Variants in BABAM2 observed in about 807,000 individuals in gnomAD.
BABAM2 encodes BRISC and BRCA1 A complex member 2.
BABAM2 carries 31 observed loss-of-function variants against 54.7 expected under a neutral mutation model. The observed-to-expected ratio is 0.57, with a 90% CI of 0.43 to 0.77. BABAM2 has a LOEUF of 0.77. BABAM2 is among the 30% of genes least tolerant of loss of function. The pLI is 0.00. For synonymous variants in BABAM2, 167 were observed against 162.9 expected (o/e 1.03, Z -0.19); for missense variants, 364 against 455.8 (o/e 0.80, Z 1.83).
Position 28,120,917 on chromosome 2 carries a change from T to C in BABAM2, c.571-8354T>C, listed in dbSNP as rs548210097. 3.9e-5 allele frequency among the ~76,000 whole-genome samples: 6 copies of C among 152,292 alleles called. No individual in the cohort carries two copies. The East Asian group carries it at 1.2e-3, about 29-fold the overall frequency. ...AGAAAGAACTTTTTAAGAAGGGGAA[T>C]GGCAAATGCAAAGATGTTAGTCAAG... On this transcript the variant is annotated intron_variant, in intron 6 of 11. Transcript: ENST00000379624.
chr2:27,921,751 G>T (rs986382327), intron 2 of BABAM2, among the ~76,000 whole-genome samples: 2 of 152,132 alleles, frequency 1.3e-5, no homozygotes, highest in Admixed American at 6.5e-5. Context: ...GCTGTTATTT[G>T]TTTATTGTGG....
intron 2 of BABAM2, among the ~76,000 whole-genome samples, chr2:27,910,650 A>G (rs1666513790): frequency 6.6e-6 from 1 of 152,096 alleles, no homozygotes; most frequent in Non-Finnish European, 1.5e-5. Flanking sequence ...TTTTAAAAAT[A>G]TATATATAAA....
At chr2:28,004,748 G>A (rs1359967644) in intron 4 of BABAM2, among the ~76,000 whole-genome samples, 1 of 151,426 alleles carries the variant, frequency 6.6e-6, no homozygotes, top group Non-Finnish European at 1.5e-5. Context: ...GAAGTGTGGC[G>A]GCACAATCAC....
At chr2:28,284,575 C>T (rs907091332) in intron 10 of BABAM2, among the ~76,000 whole-genome samples, 6 of 152,088 alleles carry the variant, frequency 3.9e-5, no homozygotes, top group African/African-American at 9.7e-5. Flanking sequence ...ATCTGTGGTC[C>T]GGTTTGGCTG....
chr2:28,186,449 G>A (rs1480547384), intron 7 of BABAM2, among the ~76,000 whole-genome samples: 1 of 152,130 alleles, frequency 6.6e-6, no homozygotes, highest in Non-Finnish European at 1.5e-5. Context: ...CCCACATGGA[G>A]AGCAAAAGAA....
intron 4 of BABAM2, 98 bp downstream of exon 4, chr2:27,988,185 T>A: frequency 8.8e-7 from 1 of 1,141,496 alleles, no homozygotes. Flanking sequence ...GTCACACATC[T>A]GCATTTTTTT....
intron 7 of BABAM2, among the ~76,000 whole-genome samples, chr2:28,222,589 T>C (rs985845053): frequency 3.2e-4 from 49 of 152,364 alleles, no homozygotes; most frequent in African/African-American, 1.2e-3. Flanking sequence ...CTATTAATAC[T>C]GCTCTATTAG....
Position 28,126,217 on chromosome 2 carries a change from T to C in BABAM2, c.571-3054T>C, listed in dbSNP as rs1404768456. On this transcript the variant is annotated intron_variant, in intron 6 of 11. Transcript: ENST00000379624. ...TGCAGGTTAGTTACATATGTATACA[T>C]GTGCCATGCTGGTGTGCTGCACCCA... 7.9e-5 allele frequency among the ~76,000 whole-genome samples: 12 copies of C among 151,790 alleles called. No individual in the cohort carries two copies. In the South Asian group the frequency reaches 2.5e-3, roughly 32 times the overall value.
chr2:28,181,912 C>A (rs1158529830), intron 7 of BABAM2, among the ~76,000 whole-genome samples: 1 of 151,894 alleles, frequency 6.6e-6, no homozygotes, highest in Non-Finnish European at 1.5e-5. Flanking sequence ...GCGAAAGTGA[C>A]ATTTGAGCAG....
chr2:28,238,115 G>A (rs1302096699), intron 8 of BABAM2, among the ~76,000 whole-genome samples: 1 of 152,132 alleles, frequency 6.6e-6, no homozygotes, highest in Non-Finnish European at 1.5e-5. Flanking sequence ...CTCCCAAAGT[G>A]CTGGGATTAC....
intron 10 of BABAM2, among the ~76,000 whole-genome samples, chr2:28,256,126 G>C (rs1227453887): frequency 6.6e-6 from 1 of 152,118 alleles, no homozygotes; most frequent in Non-Finnish European, 1.5e-5. Context: ...TCTTTAAAAA[G>C]TTATGATATA....
intron 10 of BABAM2, among the ~76,000 whole-genome samples, chr2:28,268,077 A>T (rs1685135200): frequency 6.6e-6 from 1 of 152,236 alleles, no homozygotes; most frequent in African/African-American, 2.4e-5. Flanking sequence ...GACACACGAT[A>T]GAATTTTTAT....
rs554061849 is a variant in BABAM2 at position 28,110,838 on chromosome 2, C to G, written c.571-18433C>G. Reference sequence around the variant, plus strand: ...CACTACCCCCAACAGTGCACAAGTGCTCCAGTTTCTTGACATTCTCGCCAA... The same window carrying G: ...CACTACCCCCAACAGTGCACAAGTGGTCCAGTTTCTTGACATTCTCGCCAA... On this transcript the variant is annotated intron_variant, in intron 6 of 11. Coordinates refer to ENST00000379624, the MANE Select transcript of BABAM2 (RefSeq NM_199191.3). Among the ~76,000 whole-genome samples, 245 of 152,158 alleles carry G rather than the reference C, an allele frequency of 1.6e-3. 1 individual carries two copies. Among genetic ancestry groups the G allele is most frequent in the African/African-American group, 5.6e-3 (233 of 41,524 alleles).
Position 28,013,694 on chromosome 2 carries a change from TACACACACAC to T in BABAM2, c.301-11505_301-11496del, listed in dbSNP as rs56148921. Among the ~76,000 whole-genome samples the T allele has an allele frequency of 4.2e-3, 445 of 106,034 alleles. 2 individuals carry two copies. Among genetic ancestry groups the T allele is most frequent in the African/African-American group, 0.013 (372 of 28,376 alleles). 69.6% of individuals were successfully genotyped at this position (106,034 alleles called of 152,430 possible). A position where few individuals can be genotyped will look rare whatever the true frequency, so the allele number is the denominator to read the frequency against. The stretch of plus-strand genomic sequence containing the variant: ...AAAAAAAAAAAAAAAAAAAAGCTCT[TACACACACAC>T]ACACACACACACACACACACACACA... On this transcript the variant is annotated intron_variant, in intron 4 of 11. Transcript: ENST00000379624.
chr2:27,997,160 C>T (rs1296302375), intron 4 of BABAM2, among the ~76,000 whole-genome samples: 1 of 152,076 alleles, frequency 6.6e-6, no homozygotes, highest in Non-Finnish European at 1.5e-5. Flanking sequence ...ATGAAGATAA[C>T]TGTACTTCTT....
intron 7 of BABAM2, among the ~76,000 whole-genome samples, chr2:28,173,104 T>C (rs557328122): frequency 7.2e-5 from 11 of 152,204 alleles, no homozygotes; most frequent in Non-Finnish European, 1.6e-4. Flanking sequence ...TAATGTTAAT[T>C]ACATCCCAGA....
chr2:28,135,467 C>T (rs13408504), intron 7 of BABAM2, among the ~76,000 whole-genome samples: 107,129 of 151,832 alleles, frequency 0.71, 38,303 homozygotes, highest in Middle Eastern at 0.8. Flanking sequence ...TGATAACATC[C>T]CTAGACACTT....
intron 10 of BABAM2, among the ~76,000 whole-genome samples, chr2:28,293,535 T>A (rs1184170955): frequency 6.6e-6 from 1 of 152,222 alleles, no homozygotes; most frequent in Non-Finnish European, 1.5e-5. Flanking sequence ...GCTCTGGGAC[T>A]GCAACCCGCG....
At chr2:28,202,365 C>CT (rs945948705) in intron 7 of BABAM2, among the ~76,000 whole-genome samples, 2 of 151,982 alleles carry the variant, frequency 1.3e-5, no homozygotes, top group Admixed American at 1.3e-4. Flanking sequence ...TTCCCTGGAG[C>CT]TTCCCCCTCC....
Sources: allele counts gnomAD v4.1 joint callset (sites outside exome capture counted in the v4.1 genomes callset), GRCh38; gene constraint gnomAD v4.1.1; transcripts MANE v1.5; gene names NCBI Gene and HGNC (gene_info 2026-07-23, HGNC 2026-07-21).